RIC8B: variants seen among roughly 807,000 people sequenced by gnomAD.
RIC8B encodes RIC8 guanine nucleotide exchange factor B, also known as chaperone Ric-8B.
RIC8B carries 16 observed loss-of-function variants against 57.5 expected under a neutral mutation model. That is an observed-to-expected ratio of 0.28 (90% CI 0.19 to 0.42). The LOEUF (loss-of-function observed/expected upper bound fraction) is 0.42, where lower values mean the gene tolerates loss of function less well. Ranked by LOEUF, RIC8B falls within the 10% of genes least tolerant of loss-of-function variation. The probability of loss-of-function intolerance (pLI) is 1.00; values close to 1 mark genes in which losing one functional copy is unlikely to be tolerated. For synonymous variants in RIC8B, 216 were observed against 250.8 expected, an observed-to-expected ratio of 0.86 and a Z score of 1.31; for missense variants, 481 against 677.0, an observed-to-expected ratio of 0.71 and a Z score of 3.21.
At chr12:106,862,679 C>T (rs964654873) in intron 8 of RIC8B, among the ~76,000 whole-genome samples, 16 of 152,062 alleles carry the variant, frequency 1.1e-4, no homozygotes, top group African/African-American at 3.6e-4. Flanking sequence ...TTGGCAGAAG[C>T]AGAGAACTTA....
chr12:106,822,662 C>T (rs2045907424), intron 3 of RIC8B: 1 of 152,174 alleles, frequency 6.6e-6, no homozygotes, highest in African/African-American at 2.4e-5. Context: ...ACATACAACG[C>T]CAAACTGCTC....
Position 106,886,116 on chromosome 12 carries a change from T to C in RIC8B, c.*101T>C. ...AAAACATTTATGCCCTTGCTTTGGC[T>C]AGAAACACATTAACTGGTTTACTCA... On this transcript the variant is annotated 3_prime_UTR_variant, in exon 10 of 10. Coordinates refer to ENST00000392837, the MANE Select transcript of RIC8B (RefSeq NM_001330145.2). 1 of 801,826 alleles carries C rather than the reference T, an allele frequency of 1.2e-6. No homozygotes were observed. Among genetic ancestry groups the C allele is most frequent in the Non-Finnish European group, 2.1e-6 (1 of 481,992 alleles). 49.7% of individuals were successfully genotyped at this position (801,826 alleles called of 1,614,324 possible). A position where few individuals can be genotyped will look rare whatever the true frequency, so the allele number is the denominator to read the frequency against.
chr12:106,826,571 T>C (rs1424408685), intron 4 of RIC8B, among the ~76,000 whole-genome samples: 1 of 151,982 alleles, frequency 6.6e-6, no homozygotes, highest in Non-Finnish European at 1.5e-5. Flanking sequence ...CTGGCCAACA[T>C]GGTGAAACCC....
rs1411035646 is a variant in RIC8B at position 106,823,696 on chromosome 12, T to C, written c.742-2030T>C. On this transcript the variant is annotated intron_variant, in intron 3 of 9. Transcript: ENST00000392837. ...AACATATGAGATAATTTTTTTTTTT[T>C]TTTTTGAGACGGAGTTTAGCTCTTG... 2.6e-5 allele frequency among the ~76,000 whole-genome samples: 4 copies of C among 151,916 alleles called. No homozygotes were observed. The East Asian group carries it at 7.7e-4, about 29-fold the overall frequency.
intron 9 of RIC8B, among the ~76,000 whole-genome samples, chr12:106,878,783 GAATT>G (rs753496140): frequency 7.9e-5 from 12 of 151,832 alleles, no homozygotes; most frequent in Non-Finnish European, 1.8e-4. Flanking sequence ...TAAAAACAGA[GAATT>G]AATCAGGGGG....
At position 106,886,741 on chromosome 12, in the gene RIC8B, G is replaced by A. The variant is rs1239665447; in HGVS notation, c.*726G>A. On this transcript the variant is annotated 3_prime_UTR_variant, in exon 10 of 10. Transcript: ENST00000392837. ...GTACCATAGAACTGAACCACCATCT[G>A]TATCAGCGCATGGGGAGTGTGCATT... is the stretch of plus-strand genomic sequence containing the variant. 2 of 152,612 alleles carry A rather than the reference G, an allele frequency of 1.3e-5. No individual in the cohort carries two copies. The highest frequency in any genetic ancestry group is 3.8e-4 in the East Asian group (2 of 5,200). The allele number at this position is 152,612 out of a possible 1,614,324, so 9.5% of individuals were successfully genotyped here. A position where few individuals can be genotyped will look rare whatever the true frequency, so the allele number is the denominator to read the frequency against.
intron 7 of RIC8B, among the ~76,000 whole-genome samples, chr12:106,856,934 G>A (rs1474831088): frequency 2.6e-5 from 4 of 152,196 alleles, no homozygotes; most frequent in Non-Finnish European, 5.9e-5. Flanking sequence ...GAATGCTTGG[G>A]CGGTGTGGAG....
intron 8 of RIC8B, among the ~76,000 whole-genome samples, chr12:106,869,223 G>A (rs1050670555): frequency 8.5e-5 from 13 of 152,172 alleles, no homozygotes; most frequent in Non-Finnish European, 1.8e-4. Context: ...TGAGCACTGA[G>A]TCCTTCCATA....
intron 1 of RIC8B, among the ~76,000 whole-genome samples, chr12:106,781,825 G>A (rs898699057): frequency 2.6e-5 from 4 of 151,934 alleles, no homozygotes; most frequent in Non-Finnish European, 5.9e-5. Flanking sequence ...ACATATAATG[G>A]CAAAAAAATA....
At chr12:106,874,196 C>T (rs915240079) in intron 9 of RIC8B, among the ~76,000 whole-genome samples, 3 of 152,204 alleles carry the variant, frequency 2.0e-5, no homozygotes, top group Non-Finnish European at 1.5e-5. Context: ...CACTGTACTA[C>T]GGTGTCTGTC....
intron 6 of RIC8B, among the ~76,000 whole-genome samples, chr12:106,844,804 A>G (rs1949113157): frequency 6.6e-6 from 1 of 152,224 alleles, no homozygotes; most frequent in African/African-American, 2.4e-5. Context: ...AGTAGCTCAC[A>G]GAACTTGCTG....
chr12:106,849,287 GTTTATTTATTTATTTA>G (rs60536359), intron 6 of RIC8B, among the ~76,000 whole-genome samples: 7 of 143,910 alleles, frequency 4.9e-5, no homozygotes, highest in East Asian at 4.0e-4. Flanking sequence ...TTTTTAAATA[GTTTATTTATTTATTTA>G]TTTATTTATT....
intron 3 of RIC8B, among the ~76,000 whole-genome samples, chr12:106,824,342 G>A (rs1375960907): frequency 6.6e-6 from 1 of 152,148 alleles, no homozygotes; most frequent in African/African-American, 2.4e-5. Flanking sequence ...CCAATCTGGA[G>A]TCCTGACCCC....
intron 4 of RIC8B, among the ~76,000 whole-genome samples, chr12:106,835,955 A>G (rs1241443390): frequency 6.6e-6 from 1 of 152,196 alleles, no homozygotes; most frequent in Non-Finnish European, 1.5e-5. Context: ...AAACTCCTTT[A>G]AGTGGTAACT....
At chr12:106,872,923 G>T in intron 9 of RIC8B, 1 of 613,468 alleles carries the variant, frequency 1.6e-6, no homozygotes, top group Non-Finnish European at 2.0e-6. Flanking sequence ...AGACTACACA[G>T]TATAATCCAG....
At chr12:106,803,859 T>C (rs1188876841) in intron 2 of RIC8B, among the ~76,000 whole-genome samples, 2 of 152,216 alleles carry the variant, frequency 1.3e-5, no homozygotes, top group Non-Finnish European at 2.9e-5. Context: ...ATAGGTCTTG[T>C]TCTTAGAAAT....
chr12:106,871,492 AAAAAAAC>A (rs1421072928), intron 9 of RIC8B: 27 of 137,994 alleles, frequency 2.0e-4, no homozygotes, highest in South Asian at 1.6e-3. Flanking sequence ...AAAAAAAAAA[AAAAAAAC>A]CAAAAAACTC....
intron 4 of RIC8B, among the ~76,000 whole-genome samples, chr12:106,832,196 G>A (rs1389815412): frequency 1.3e-5 from 2 of 152,028 alleles, no homozygotes; most frequent in Non-Finnish European, 2.9e-5. Flanking sequence ...CACATATCTT[G>A]TCACTATCTT....
At chr12:106,805,738 T>G (rs1226401812) in intron 2 of RIC8B, among the ~76,000 whole-genome samples, 1 of 152,222 alleles carries the variant, frequency 6.6e-6, no homozygotes, top group Non-Finnish European at 1.5e-5. Flanking sequence ...TCCCTCTGGA[T>G]TAATTCCAGA....
Sources: gnomAD v4.1 joint callset for allele counts (sites outside exome capture counted in the v4.1 genomes callset) on GRCh38, gnomAD v4.1.1 for gene constraint, MANE v1.5 for transcripts, NCBI Gene and HGNC (gene_info 2026-07-23, HGNC 2026-07-21) for gene names.